The following PCTP variants were observed in gnomAD, a reference collection of about 807,000 sequenced individuals.
PCTP encodes START domain-containing protein 2.
PCTP carries 27 observed loss-of-function variants against 31.0 expected under a neutral mutation model. That is an observed-to-expected ratio of 0.87 (90% CI 0.64 to 1.20). The LOEUF (loss-of-function observed/expected upper bound fraction) is 1.20, where lower values mean the gene tolerates loss of function less well. PCTP is among the 50% of genes most tolerant of loss of function. The pLI, the probability that PCTP is intolerant of heterozygous loss-of-function variation, is 0.00. For synonymous variants in PCTP, 108 were observed against 101.2 expected (o/e 1.07, Z -0.40); for missense variants, 287 against 268.2 (o/e 1.07, Z -0.49).
chr17:55,771,299 G>A, intron 3 of PCTP, 114 bp downstream of exon 3: 1 of 794,258 alleles, frequency 1.3e-6, no homozygotes, highest in Admixed American at 2.1e-5. Flanking sequence ...AGATAACATT[G>A]TCTCTGATTC....
intron 1 of PCTP, chr17:55,751,532 A>C: frequency 7.2e-7 from 1 of 1,398,484 alleles, no homozygotes; most frequent in Non-Finnish European, 9.4e-7. Context: ...AACGTGGGTC[A>C]GCTGGTTCCT....
chr17:55,839,919 CAAAAAAAAAAAA>C (rs57402824), intron 5 of PCTP, among the ~76,000 whole-genome samples: 6 of 12,506 alleles, frequency 4.8e-4, no homozygotes, highest in Admixed American at 4.1e-3. Flanking sequence ...GACTCAGTCT[CAAAAAAAAAAAA>C]AAAAAAAAAA....
At chr17:55,783,803 G>A (rs550750101) in intron 2 of PCTP, among the ~76,000 whole-genome samples, 5 of 152,278 alleles carry the variant, frequency 3.3e-5, no homozygotes, top group Non-Finnish European at 7.4e-5. Flanking sequence ...ACTTTAAGCT[G>A]TTGTAAACAG....
chr17:55,817,225 G>T (rs748672439), intron 3 of PCTP, among the ~76,000 whole-genome samples: 3 of 152,186 alleles, frequency 2.0e-5, no homozygotes, highest in African/African-American at 7.2e-5. Flanking sequence ...AATTGGCAAG[G>T]ATTAAAACCA....
intron 3 of PCTP, among the ~76,000 whole-genome samples, chr17:55,815,163 A>C (rs9914028): frequency 1.3e-5 from 2 of 152,164 alleles, no homozygotes; most frequent in African/African-American, 2.4e-5. Flanking sequence ...AATATTTAAG[A>C]TATTTAAATT....
At chr17:55,826,421 G>A (rs763720663), downstream of PCTP, among the ~76,000 whole-genome samples, 2 of 150,500 alleles carry the variant, frequency 1.3e-5, no homozygotes, top group African/African-American at 2.5e-5. Flanking sequence ...CTGAAGAAAC[G>A]CCATGCTTCA....
intron 1 of PCTP, among the ~76,000 whole-genome samples, chr17:55,757,447 GACACAC>G (rs72053094): frequency 2.8e-4 from 41 of 145,002 alleles, no homozygotes; most frequent in Middle Eastern, 3.5e-3. Context: ...AGGAAACTGA[GACACAC>G]ACACACACAC....
At chr17:55,760,402 A>T (rs1184559990) in intron 1 of PCTP, among the ~76,000 whole-genome samples, 2 of 152,222 alleles carry the variant, frequency 1.3e-5, no homozygotes, top group Non-Finnish European at 2.9e-5. Flanking sequence ...TGTGCACCAC[A>T]TAATAGAACT....
chr17:55,845,224 T>C (rs1265508359), downstream of PCTP, among the ~76,000 whole-genome samples: 2 of 152,154 alleles, frequency 1.3e-5, no homozygotes, highest in Non-Finnish European at 2.9e-5. Flanking sequence ...GGGTTCCCTT[T>C]TAGCCTTCAG....
chr17:55,850,298 T>G, the PCTP span, among the ~76,000 whole-genome samples: 68 of 152,292 alleles, frequency 4.5e-4, no homozygotes, highest in Non-Finnish European at 6.6e-4. Context: ...TGAATAGTTT[T>G]TATTTCATAG....
Position 55,751,055 on chromosome 17 carries a change from G to A in PCTP, c.-49G>A. The A allele has an allele frequency of 6.8e-7, 1 of 1,478,328 alleles. No individual in the cohort carries two copies. The highest frequency in any genetic ancestry group is 1.4e-5 in the South Asian group (1 of 73,578). The allele number at this position is 1,478,328 out of a possible 1,614,324, so 91.6% of individuals were successfully genotyped here. A position where few individuals can be genotyped will look rare whatever the true frequency, so the allele number is the denominator to read the frequency against. On this transcript the variant is annotated 5_prime_UTR_variant, in exon 1 of 6. Transcript: ENST00000268896. The stretch of plus-strand genomic sequence containing the variant: ...CACCCCGCCCCCAGGCCCACACTAA[G>A]GGTGTCCGCGGCCTGCCCTCCAGGC...
the PCTP span, among the ~76,000 whole-genome samples, chr17:55,850,870 A>T: frequency 6.6e-6 from 1 of 152,202 alleles, no homozygotes; most frequent in Admixed American, 6.5e-5. Flanking sequence ...TATTGGATCA[A>T]ACTGGTCTGA....
At chr17:55,810,340 A>G (rs912784612) in intron 3 of PCTP, among the ~76,000 whole-genome samples, 1 of 152,186 alleles carries the variant, frequency 6.6e-6, no homozygotes. Context: ...GTAGTTAAGT[A>G]CTGGGAAGGC....
rs1231927419 is a variant in PCTP at position 55,839,782 on chromosome 17, TAGTGGCGGGCGCCTGTAGTCCC to T, written n.506-2942_506-2921del. ...AAAAATACAAAAAATTAGCCGGGCGTAGTGGCGGGCGCCTGTAGTCCCAGCTACTTGGGAGGCTGAGGCAGGA... is the reference window on the plus strand; with the variant it reads ...AAAAATACAAAAAATTAGCCGGGCGTAGCTACTTGGGAGGCTGAGGCAGGA... On this transcript the variant is annotated intron_variant and non_coding_transcript_variant, in intron 5 of 5. Transcript: ENST00000576221. Among the ~76,000 whole-genome samples, 10 of 148,922 alleles carry T rather than the reference TAGTGGCGGGCGCCTGTAGTCCC, an allele frequency of 6.7e-5. No homozygotes were observed. The East Asian group carries it at 2.0e-3, about 29-fold the overall frequency.
At position 55,822,894 on chromosome 17, in the gene PCTP, CTGAGTCTTTGTTGA is replaced by C. The variant is rs1598018042; in HGVS notation, c.*11_*24del. The C allele has an allele frequency of 8.2e-6, 9 of 1,094,354 alleles. No individual in the cohort carries two copies. The East Asian group carries it at 2.9e-4, about 35-fold the overall frequency. The allele number at this position is 1,094,354 out of a possible 1,614,324, so 67.8% of individuals were successfully genotyped here. On this transcript the variant is annotated 3_prime_UTR_variant, in exon 4 of 4. Coordinates refer to the PCTP transcript ENST00000572536. ...AAAGATAAAGACATGAGAAAAGAAGCTGAGTCTTTGTTGAAACACTGAAATGGGTGCAGGTATCA... is the reference window on the plus strand; with the variant it reads ...AAAGATAAAGACATGAGAAAAGAAGCAACACTGAAATGGGTGCAGGTATCA...
Position 55,818,408 on chromosome 17 carries a change from T to C in PCTP, c.318-4353T>C, listed in dbSNP as rs1055483589. ...GCATTTGTCACTGTGTGAGTATCACTCTTTTTTGCTCTAAGCAGATAGATC... is the reference window on the plus strand; with the variant it reads ...GCATTTGTCACTGTGTGAGTATCACCCTTTTTTGCTCTAAGCAGATAGATC... On this transcript the variant is annotated intron_variant, in intron 3 of 3. Transcript: ENST00000572536. Among the ~76,000 whole-genome samples, 33 of 152,356 alleles carry C rather than the reference T, an allele frequency of 2.2e-4. 1 individual carries two copies. Among genetic ancestry groups the C allele is most frequent in the African/African-American group, 7.7e-4 (32 of 41,588 alleles).
chr17:55,816,174 T>C (rs1211144808), intron 3 of PCTP, among the ~76,000 whole-genome samples: 1 of 152,192 alleles, frequency 6.6e-6, no homozygotes, highest in Non-Finnish European at 1.5e-5. Flanking sequence ...ATTCACAGAC[T>C]TGGGCAGCCA....
At chr17:55,809,840 TTTG>T (rs1430971316) in intron 3 of PCTP, among the ~76,000 whole-genome samples, 20 of 152,312 alleles carry the variant, frequency 1.3e-4, no homozygotes, top group African/African-American at 4.6e-4. Flanking sequence ...TTATTTTGCT[TTTG>T]TTGTTACTGT....
chr17:55,776,595 T>G lies in PCTP; in HGVS notation c.*495T>G. On this transcript the variant is annotated 3_prime_UTR_variant, in exon 6 of 6. Transcript: ENST00000268896. ...GTGGCATTTCGTTCAGAGCTGACTT[T>G]CAGTGCACCCAAACTGGATGACGTG... 3 of 1,231,294 alleles carry G rather than the reference T, an allele frequency of 2.4e-6. No homozygotes were observed. The highest frequency in any genetic ancestry group is 3.0e-6 in the Non-Finnish European group (3 of 988,182). The allele number at this position is 1,231,294 out of a possible 1,614,324, so 76.3% of individuals were successfully genotyped here.
Sources: allele counts gnomAD v4.1 joint callset (sites outside exome capture counted in the v4.1 genomes callset), GRCh38; gene constraint gnomAD v4.1.1; transcripts MANE v1.5; gene names NCBI Gene and HGNC (gene_info 2026-07-23, HGNC 2026-07-21).